Variants in TRIM58 observed in about 807,000 individuals in gnomAD.
The protein encoded by TRIM58 is E3 ubiquitin-protein ligase TRIM58.
Under a neutral mutation model 34.1 loss-of-function variants are expected in TRIM58, and 38 were observed. The observed-to-expected ratio is 1.12, with a 90% CI of 0.86 to 1.46. The LOEUF is 1.46. Among genes scored for constraint, TRIM58 ranks in the 40% most tolerant of loss-of-function variants. The probability of loss-of-function intolerance (pLI) is 0.00; values close to 1 mark genes in which losing one functional copy is unlikely to be tolerated. For missense variants in TRIM58, 677 were observed against 642.0 expected, an observed-to-expected ratio of 1.05 and a Z score of -0.59; for synonymous variants, 273 against 275.7, an observed-to-expected ratio of 0.99 and a Z score of 0.10.
intron 1 of TRIM58, among the ~76,000 whole-genome samples, chr1:247,859,183 A>G (rs1230862875): frequency 6.6e-6 from 1 of 152,148 alleles, no homozygotes; most frequent in African/African-American, 2.4e-5. Context: ...ATGTTTCCAT[A>G]GCTCTCTTGT....
intron 5 of TRIM58, among the ~76,000 whole-genome samples, chr1:247,869,355 A>G (rs1000136606): frequency 6.6e-6 from 1 of 152,340 alleles, no homozygotes; most frequent in Non-Finnish European, 1.5e-5. Context: ...TCAAGCCTCT[A>G]ATCACATGGT....
intron 2 of TRIM58, among the ~76,000 whole-genome samples, chr1:247,862,821 A>G (rs1355551424): frequency 6.6e-6 from 1 of 152,212 alleles, no homozygotes; most frequent in East Asian, 1.9e-4. Context: ...TAAATACTGC[A>G]AAACCACCTT....
In TRIM58 at chr1:247,857,439, C is replaced by T; in HGVS notation, c.193C>T (p.Arg65Trp). Residue 65 changes from arginine (R) to tryptophan (W), a missense_variant, in exon 1 of 6, where the codon CGG (arginine) becomes TGG (tryptophan). By Grantham distance (101) the Arg-to-Trp change is moderately radical (BLOSUM62 -3). Transcript: ENST00000366481. The part of the protein sequence containing the change: ...YACPQCRGPF[R>W]PSGFRPNRQL... ...CTGTCCGCAGTGCCGGGGCCCCTTC[C>T]GGCCCTCGGGCTTTCGCCCCAACCG... 3.5e-6 allele frequency: 5 copies of T among 1,444,904 alleles called. No homozygotes were observed. The highest frequency in any genetic ancestry group is 4.6e-6 in the Non-Finnish European group (5 of 1,091,750). 89.5% of individuals were successfully genotyped at this position (1,444,904 alleles called of 1,614,324 possible).
intron 5 of TRIM58, among the ~76,000 whole-genome samples, chr1:247,875,541 G>GTCTC (rs373948554): frequency 1.3e-5 from 2 of 148,484 alleles, no homozygotes; most frequent in Non-Finnish European, 3.0e-5. Flanking sequence ...CCGTCTCTCT[G>GTCTC]TCTCTCTCTC....
At chr1:247,859,140 C>T (rs1558348096) in intron 1 of TRIM58, among the ~76,000 whole-genome samples, 2 of 152,014 alleles carry the variant, frequency 1.3e-5, no homozygotes, top group South Asian at 2.1e-4. Context: ...AACTCCTGAG[C>T]CTCTCAGTGA....
chr1:247,873,091 G>A (rs1294422711), intron 5 of TRIM58, among the ~76,000 whole-genome samples: 2 of 152,096 alleles, frequency 1.3e-5, no homozygotes, highest in East Asian at 1.9e-4. Flanking sequence ...TTAGCCAGGC[G>A]TGGTGGTGCA....
chr1:247,864,943 CG>C lies in TRIM58; in HGVS notation c.747+11del. On this transcript the variant is annotated intron_variant, in intron 3 of 5. Transcript: ENST00000366481. ...GCCCTGGGTCTGCTGGAGGTGAGGC[CG>C]GGTGCCAGAAAAGCAGGCAGATGTG... 1 of 1,554,632 alleles carries C rather than the reference CG, an allele frequency of 6.4e-7. No individual in the cohort carries two copies. The highest frequency in any genetic ancestry group is 8.7e-7 in the Non-Finnish European group (1 of 1,148,840).
In TRIM58 at chr1:247,876,516, G is replaced by C. The variant is rs758859116; in HGVS notation, c.*27G>C. ...ATTCTGTTCCCAAGATGCAGTCCTA[G>C]CGTAGCGAACGTTCCTGGAGTGGGG... On this transcript the variant is annotated 3_prime_UTR_variant, in exon 6 of 6. Transcript: ENST00000366481. 8 of 1,581,568 alleles carry C rather than the reference G, an allele frequency of 5.1e-6. No homozygotes were observed. Among genetic ancestry groups the C allele is most frequent in the Non-Finnish European group, 6.9e-6 (8 of 1,158,824 alleles).
At position 247,876,982 on chromosome 1, in the gene TRIM58, T is replaced by A. The variant is rs186082577; in HGVS notation, c.*493T>A. On this transcript the variant is annotated 3_prime_UTR_variant, in exon 6 of 6. Coordinates refer to ENST00000366481, the MANE Select transcript of TRIM58 (RefSeq NM_015431.4). ...CTCTGTCTCTCTCTCCCTGTCACTCTCTCTCTCTTGTTCCTTATTTTTTGT... is the reference window on the plus strand; with the variant it reads ...CTCTGTCTCTCTCTCCCTGTCACTCACTCTCTCTTGTTCCTTATTTTTTGT... The A allele has an allele frequency of 8.4e-4, 134 of 159,542 alleles. 1 individual carries two copies. Among genetic ancestry groups the A allele is most frequent in the Non-Finnish European group, 7.3e-4 (53 of 72,534 alleles). 9.9% of individuals were successfully genotyped at this position (159,542 alleles called of 1,614,324 possible).
At chr1:247,873,094 G>A (rs763541617) in intron 5 of TRIM58, among the ~76,000 whole-genome samples, 8 of 152,140 alleles carry the variant, frequency 5.3e-5, no homozygotes, top group African/African-American at 1.9e-4. Flanking sequence ...GCCAGGCGTG[G>A]TGGTGCATGC....
At chr1:247,870,976 C>A (rs35014079) in intron 5 of TRIM58, among the ~76,000 whole-genome samples, 14,181 of 51,368 alleles carry the variant, frequency 0.28, 101 homozygotes, top group African/African-American at 0.37. Context: ...ATTCATGAGC[C>A]GTATCAGAGT....
At position 247,857,229 on chromosome 1, in the gene TRIM58, C is replaced by T; in HGVS notation, c.-18C>T. 7.6e-7 allele frequency: 1 copy of T among 1,310,726 alleles called. No homozygotes were observed. The highest frequency in any genetic ancestry group is 9.8e-7 in the Non-Finnish European group (1 of 1,023,590). 81.2% of individuals were successfully genotyped at this position (1,310,726 alleles called of 1,614,324 possible). A position where few individuals can be genotyped will look rare whatever the true frequency, so the allele number is the denominator to read the frequency against. On this transcript the variant is annotated 5_prime_UTR_variant, in exon 1 of 6. Transcript: ENST00000366481. ...ACGGTGCGGGCGGCCGGGAGCGCAG[C>T]CCTCCGGGAGGCGGGTCATGGCCTG...
intron 2 of TRIM58, among the ~76,000 whole-genome samples, chr1:247,862,782 G>A (rs1418068396): frequency 6.6e-6 from 1 of 152,160 alleles, no homozygotes; most frequent in Non-Finnish European, 1.5e-5. Context: ...GCCAAATGCA[G>A]CAAACACATC....
At chr1:247,859,095 A>C (rs2103320088) in intron 1 of TRIM58, among the ~76,000 whole-genome samples, 1 of 152,144 alleles carries the variant, frequency 6.6e-6, no homozygotes, top group South Asian at 2.1e-4. Context: ...TATTTTCAGT[A>C]GTTCTTCGGT....
chr1:247,873,742 T>C (rs947709505), intron 5 of TRIM58, among the ~76,000 whole-genome samples: 2 of 152,126 alleles, frequency 1.3e-5, no homozygotes, highest in African/African-American at 4.8e-5. Flanking sequence ...CTGAGGCGGA[T>C]GGATTGCTTG....
intron 5 of TRIM58, among the ~76,000 whole-genome samples, chr1:247,874,690 A>G (rs941441509): frequency 1.3e-5 from 2 of 152,108 alleles, no homozygotes; most frequent in African/African-American, 2.4e-5. Context: ...TATATAACGC[A>G]TAACTACAAG....
At chr1:247,867,357 A>T (rs534096417) in intron 3 of TRIM58, among the ~76,000 whole-genome samples, 2 of 152,312 alleles carry the variant, frequency 1.3e-5, no homozygotes, top group Admixed American at 1.3e-4. Context: ...AATTAAATTG[A>T]TAGGTGTTGC....
chr1:247,869,089 G>A (rs897129861), intron 5 of TRIM58, among the ~76,000 whole-genome samples: 17 of 152,046 alleles, frequency 1.1e-4, no homozygotes, highest in African/African-American at 3.4e-4. Context: ...TAGTAGAGAC[G>A]GGGTCTCACC....
chr1:247,864,745 T>C lies in TRIM58; in HGVS notation c.557T>C (p.Phe186Ser), dbSNP rs1382000098. Residue 186 changes from phenylalanine to serine, a missense_variant, in exon 3 of 6, where the codon TTT becomes TCT. By Grantham distance (155) the Phe-to-Ser change is radical. Coordinates refer to ENST00000366481, the MANE Select transcript of TRIM58 (RefSeq NM_015431.4). ...EMQRQRFRLE[F>S]EKHRGFLAQE... The stretch of plus-strand genomic sequence containing the variant: ...CAGAGGCAGCGCTTCAGATTGGAGT[T>C]TGAGAAGCATCGTGGCTTTCTGGCC... 6.2e-7 allele frequency: 1 copy of C among 1,614,154 alleles called. No homozygotes were observed.
Sources: gnomAD v4.1 joint callset for allele counts (sites outside exome capture counted in the v4.1 genomes callset) on GRCh38, gnomAD v4.1.1 for gene constraint, MANE v1.5 for transcripts, NCBI Gene and HGNC (gene_info 2026-07-23, HGNC 2026-07-21) for gene names.